The following LIPA variants were observed in gnomAD, a reference collection of about 807,000 sequenced individuals.
LIPA encodes lipase A, lysosomal acid type.
A neutral mutation model predicts 40.6 loss-of-function variants in LIPA; 26 were observed. The observed-to-expected ratio is 0.64, with a 90% CI of 0.47 to 0.89. The LOEUF is 0.89. Among genes scored for constraint, LIPA ranks in the 40% least tolerant of loss-of-function variants. The pLI, the probability that LIPA is intolerant of heterozygous loss-of-function variation, is 0.00. For missense variants in LIPA, 455 were observed against 479.6 expected (o/e 0.95, Z 0.48); for synonymous variants, 188 against 168.4 (o/e 1.12, Z -0.90).
chr10:89,299,060 T>A (rs1368311044), intron 1 of LIPA, among the ~76,000 whole-genome samples: 1 of 151,154 alleles, frequency 6.6e-6, no homozygotes, highest in Non-Finnish European at 1.5e-5. Flanking sequence ...TACAAGAGAT[T>A]TCCAAATCCA....
Position 89,240,676 on chromosome 10 carries a change from C to T in LIPA, c.229+5000G>A, listed in dbSNP as rs576895614. Among the ~76,000 whole-genome samples, 9 of 152,292 alleles carry T rather than the reference C, an allele frequency of 5.9e-5. No homozygotes were observed. In the South Asian group the frequency reaches 1.9e-3, roughly 32 times the overall value. On this transcript the variant is annotated intron_variant, in intron 3 of 9. Coordinates refer to ENST00000336233, the MANE Select transcript of LIPA (RefSeq NM_000235.4). ...AGTTAAATAGTAGAGCCAGAACTTA[C>T]ACCCATGACTGGTGGCTCTTCACAT...
chr10:89,360,576 T>C (rs1844016347), intron 2 of LIPA, among the ~76,000 whole-genome samples: 1 of 152,212 alleles, frequency 6.6e-6, no homozygotes, highest in South Asian at 2.1e-4. Flanking sequence ...GGATTTTTAC[T>C]AGAGATGGGT....
intron 3 of LIPA, among the ~76,000 whole-genome samples, chr10:89,233,081 G>A (rs905887498): frequency 1.4e-4 from 21 of 152,156 alleles, no homozygotes; most frequent in Admixed American, 1.4e-3. Flanking sequence ...TTTATCCTTT[G>A]AAGGAGGCTT....
intron 1 of LIPA, among the ~76,000 whole-genome samples, chr10:89,321,569 A>G (rs914291063): frequency 2.0e-5 from 3 of 152,204 alleles, no homozygotes; most frequent in African/African-American, 7.2e-5. Context: ...GTCAGTAACA[A>G]CAGGTGCTAG....
intron 3 of LIPA, among the ~76,000 whole-genome samples, chr10:89,233,283 A>G (rs1427282242): frequency 6.6e-6 from 1 of 152,248 alleles, no homozygotes; most frequent in Non-Finnish European, 1.5e-5. Context: ...ATCTGGGCCA[A>G]GCACTGCAAA....
chr10:89,384,969 C>A (rs949348946), intron 2 of LIPA: 2 of 490,264 alleles, frequency 4.1e-6, no homozygotes, highest in Admixed American at 3.7e-5. Context: ...AAGTATCATC[C>A]CTCCTGATGG....
upstream of LIPA, among the ~76,000 whole-genome samples, chr10:89,255,379 C>A (rs1251176856): frequency 1.3e-5 from 2 of 152,146 alleles, no homozygotes; most frequent in African/African-American, 4.8e-5. Flanking sequence ...GAGACCTAGT[C>A]ACTACCACAA....
upstream of LIPA, chr10:89,251,794 G>C (rs1232106743): frequency 1.3e-5 from 2 of 152,434 alleles, no homozygotes; most frequent in Non-Finnish European, 2.9e-5. Flanking sequence ...TCAGGGGCCG[G>C]GGTGCGGATA....
intron 2 of LIPA, among the ~76,000 whole-genome samples, chr10:89,361,912 T>A (rs888736012): frequency 3.4e-5 from 3 of 88,676 alleles, no homozygotes; most frequent in East Asian, 1.0e-3. Context: ...TTTTTTTTTT[T>A]GAGACAGGAT....
intron 2 of LIPA, among the ~76,000 whole-genome samples, chr10:89,398,098 ATCAG>A (rs1384950779): frequency 6.6e-6 from 1 of 152,152 alleles, no homozygotes; most frequent in Admixed American, 6.5e-5. Context: ...AGTGTGGAGG[ATCAG>A]TCAGAGTGAC....
At chr10:89,333,401 T>A (rs1843680107) in intron 1 of LIPA, among the ~76,000 whole-genome samples, 1 of 152,202 alleles carries the variant, frequency 6.6e-6, no homozygotes, top group South Asian at 2.1e-4. Flanking sequence ...GCATACTGAA[T>A]GGCTTACAGA....
intron 3 of LIPA, among the ~76,000 whole-genome samples, chr10:89,245,281 G>A (rs1025812588): frequency 2.0e-5 from 3 of 152,046 alleles, no homozygotes; most frequent in African/African-American, 7.2e-5. Context: ...CAGGAAGTAG[G>A]GAGTGAGAGA....
chr10:89,312,987 T>C (rs1383750439), intron 1 of LIPA, among the ~76,000 whole-genome samples: 1 of 152,094 alleles, frequency 6.6e-6, no homozygotes, highest in Non-Finnish European at 1.5e-5. Flanking sequence ...ATACCTAGAA[T>C]ACACTCTAGC....
intron 3 of LIPA, among the ~76,000 whole-genome samples, chr10:89,236,170 AT>A (rs1842902353): frequency 6.6e-6 from 1 of 152,212 alleles, no homozygotes; most frequent in Non-Finnish European, 1.5e-5. Context: ...AAAAGTTAAC[AT>A]TTTCAAAACT....
intron 1 of LIPA, among the ~76,000 whole-genome samples, chr10:89,294,828 G>T (rs1398893365): frequency 6.6e-6 from 1 of 151,940 alleles, no homozygotes; most frequent in Non-Finnish European, 1.5e-5. Flanking sequence ...TAAAAAATTA[G>T]CTGGGTGTAG....
chr10:89,399,410 C>A (rs1844389466), intron 2 of LIPA, among the ~76,000 whole-genome samples: 1 of 152,096 alleles, frequency 6.6e-6, no homozygotes, highest in Non-Finnish European at 1.5e-5. Flanking sequence ...ACTGTTATTG[C>A]CTGTGATTTT....
chr10:89,246,191 G>A (rs939464132), intron 2 of LIPA, among the ~76,000 whole-genome samples: 12 of 152,106 alleles, frequency 7.9e-5, no homozygotes, highest in African/African-American at 2.9e-4. Context: ...GAGATCCCCT[G>A]CTGGCCAATA....
rs564018757 is a variant in LIPA at position 89,287,622 on chromosome 10, G to A, written c.-1-39973C>T. Reference sequence around the variant, plus strand: ...TACCTCTACTCCCTCCTTGGTGACCGATCATGCACCCCTTACCATCCCATT... The same window carrying A: ...TACCTCTACTCCCTCCTTGGTGACCAATCATGCACCCCTTACCATCCCATT... On this transcript the variant is annotated intron_variant, in intron 1 of 5. Transcript: ENST00000282673. Among the ~76,000 whole-genome samples, 5 of 151,930 alleles carry A rather than the reference G, an allele frequency of 3.3e-5. No homozygotes were observed. The South Asian group carries it at 6.2e-4, about 19-fold the overall frequency.
chr10:89,339,721 G>A, intron 1 of LIPA: 1 of 1,614,162 alleles, frequency 6.2e-7, no homozygotes, highest in Non-Finnish European at 8.5e-7. Flanking sequence ...CCCTGATGCT[G>A]AAAAGCAACA....
Sources: allele counts gnomAD v4.1 joint callset (sites outside exome capture counted in the v4.1 genomes callset), GRCh38; gene constraint gnomAD v4.1.1; transcripts MANE v1.5; gene names NCBI Gene and HGNC (gene_info 2026-07-23, HGNC 2026-07-21).